The following ADGRB3 variants were observed in gnomAD, a reference collection of about 807,000 sequenced individuals.
ADGRB3 encodes the protein adhesion G protein-coupled receptor B3, also known as brain-specific angiogenesis inhibitor 3.
In ADGRB3, 37 loss-of-function variants were observed where a neutral mutation model predicts 193.4. The ratio of observed to expected loss-of-function variants is 0.19; its 90% CI spans 0.15 to 0.25. ADGRB3 has a LOEUF of 0.25. Ranked by LOEUF, ADGRB3 falls within the 10% of genes least tolerant of loss-of-function variation. ADGRB3 has a pLI of 1.00. For missense variants in ADGRB3, 1,637 were observed against 1,852.9 expected (o/e 0.88, Z 2.14); for synonymous variants, 690 against 644.2 (o/e 1.07, Z -1.08).
chr6:69,022,957 A>G (rs987687084), intron 13 of ADGRB3, among the ~76,000 whole-genome samples: 1 of 152,034 alleles, frequency 6.6e-6, no homozygotes, highest in Admixed American at 6.6e-5. Context: ...ATATTTTTAT[A>G]TATTTTTCAC....
At position 69,235,245 on chromosome 6, in the gene ADGRB3, G is replaced by A. The variant is rs563370020; in HGVS notation, c.2711+110G>A. ...CTGTCTTCTTAATTTACTGAAAGCAGTATTTTTACAACAGAGTTATAATTG... is the reference window on the plus strand; with the variant it reads ...CTGTCTTCTTAATTTACTGAAAGCAATATTTTTACAACAGAGTTATAATTG... On this transcript the variant is annotated intron_variant, in intron 19 of 31. Transcript: ENST00000370598. The A allele has an allele frequency of 1.3e-5, 11 of 859,460 alleles. No individual in the cohort carries two copies. In the South Asian group the frequency reaches 1.5e-4, roughly 12 times the overall value. The allele number at this position is 859,460 out of a possible 1,614,324, so 53.2% of individuals were successfully genotyped here. A position where few individuals can be genotyped will look rare whatever the true frequency, so the allele number is the denominator to read the frequency against.
At chr6:68,799,069 T>C (rs944959717) in intron 3 of ADGRB3, among the ~76,000 whole-genome samples, 1 of 152,036 alleles carries the variant, frequency 6.6e-6, no homozygotes, top group Non-Finnish European at 1.5e-5. Context: ...ATAGAAAACA[T>C]AAATACCTTT....
At position 68,973,524 on chromosome 6, in the gene ADGRB3, A is replaced by T. The variant is rs553963802; in HGVS notation, c.1526-1239A>T. Reference sequence around the variant, plus strand: ...TGATGATTATCATGGATTAAATATTATATTATTCTGCAAGGAAGATGTTTC... The same window carrying T: ...TGATGATTATCATGGATTAAATATTTTATTATTCTGCAAGGAAGATGTTTC... On this transcript the variant is annotated intron_variant, in intron 8 of 31. Transcript: ENST00000370598. Among the ~76,000 whole-genome samples, 15 of 152,344 alleles carry T rather than the reference A, an allele frequency of 9.8e-5. No individual in the cohort carries two copies. The East Asian group carries it at 1.9e-3, about 20-fold the overall frequency.
intron 3 of ADGRB3, among the ~76,000 whole-genome samples, chr6:68,706,254 A>G (rs2127312644): frequency 6.6e-6 from 1 of 152,224 alleles, no homozygotes; most frequent in East Asian, 1.9e-4. Flanking sequence ...ACTTAGAGGA[A>G]AGCAGTCACT....
chr6:68,827,582 T>G (rs915578354), intron 3 of ADGRB3, among the ~76,000 whole-genome samples: 1 of 151,926 alleles, frequency 6.6e-6, no homozygotes, highest in African/African-American at 2.4e-5. Flanking sequence ...TGAGATCTAA[T>G]GTGTTATAAG....
intron 3 of ADGRB3, among the ~76,000 whole-genome samples, chr6:68,831,204 A>G (rs1767945064): frequency 1.3e-5 from 2 of 151,616 alleles, no homozygotes; most frequent in Non-Finnish European, 2.9e-5. Flanking sequence ...GTGGTGATGA[A>G]CTAGATATGA....
intron 26 of ADGRB3, among the ~76,000 whole-genome samples, chr6:69,345,754 G>A (rs1769070838): frequency 6.6e-6 from 1 of 152,032 alleles, no homozygotes; most frequent in Non-Finnish European, 1.5e-5. Flanking sequence ...CTTCTGGCCA[G>A]GGCAATTGGG....
rs66836065 is a variant in ADGRB3, at chr6:68,661,538, C to CATATATATATATAT, written c.757+22126_757+22139dup. Among the ~76,000 whole-genome samples the CATATATATATATAT allele has an allele frequency of 7.3e-4, 67 of 91,814 alleles. 5 individuals are homozygous for CATATATATATATAT. The highest frequency in any genetic ancestry group is 2.1e-3 in the East Asian group (4 of 1,888). The allele number at this position is 91,814 out of a possible 152,430, so 60.2% of individuals were successfully genotyped here. A position where few individuals can be genotyped will look rare whatever the true frequency, so the allele number is the denominator to read the frequency against. On this transcript the variant is annotated intron_variant, in intron 3 of 31. Transcript: ENST00000370598. ...GTGTATACATATATATATGTGTATACATATATATATATATATATATATATA... is the reference window on the plus strand; with the variant it reads ...GTGTATACATATATATATGTGTATACATATATATATATATATATATATATATATATATATATATA...
At chr6:69,130,890 A>G (rs1482179426) in intron 17 of ADGRB3, among the ~76,000 whole-genome samples, 1 of 152,048 alleles carries the variant, frequency 6.6e-6, no homozygotes, top group African/African-American at 2.4e-5. Flanking sequence ...AGCAAATCCT[A>G]CCAGAGGCCT....
chr6:68,831,259 C>T (rs1169545021), intron 3 of ADGRB3, among the ~76,000 whole-genome samples: 2 of 145,468 alleles, frequency 1.4e-5, no homozygotes, highest in Admixed American at 1.4e-4. Context: ...CAAGGCTACT[C>T]ACTTAGGCGG....
At chr6:69,254,822 G>T (rs1234685564) in intron 20 of ADGRB3, among the ~76,000 whole-genome samples, 1 of 149,394 alleles carries the variant, frequency 6.7e-6, no homozygotes, top group East Asian at 2.0e-4. Flanking sequence ...TCGTCATCTA[G>T]CATTAGATAT....
intron 8 of ADGRB3, among the ~76,000 whole-genome samples, chr6:68,969,978 A>G (rs138312579): frequency 2.0e-5 from 3 of 152,228 alleles, no homozygotes; most frequent in East Asian, 3.9e-4. Flanking sequence ...CCATTACTCT[A>G]TACTTGGTCT....
In ADGRB3 at chr6:68,848,011, G is replaced by A. The variant is rs76280116; in HGVS notation, c.758-82548G>A. ...TGAGAAATTAAATCTAAAAAAAGAC[G>A]TCAACATAAAATCATTTCTACAAAT... On this transcript the variant is annotated intron_variant, in intron 3 of 31. Coordinates refer to ENST00000370598, the MANE Select transcript of ADGRB3 (RefSeq NM_001704.3). Among the ~76,000 whole-genome samples, 75 of 151,926 alleles carry A rather than the reference G, an allele frequency of 4.9e-4. 1 individual carries two copies. In the East Asian group the frequency reaches 0.012, roughly 25 times the overall value.
chr6:69,354,375 A>G, intron 27 of ADGRB3, 47 bp downstream of exon 27: 1 of 1,469,786 alleles, frequency 6.8e-7, no homozygotes, highest in Non-Finnish European at 9.5e-7. Context: ...ATGATTTCTC[A>G]AGGGAATAAA....
At chr6:69,323,277 G>T (rs962955782) in intron 20 of ADGRB3, among the ~76,000 whole-genome samples, 12 of 151,960 alleles carry the variant, frequency 7.9e-5, no homozygotes, top group African/African-American at 2.9e-4. Flanking sequence ...GACTTAGAAA[G>T]GTTATCTAGT....
chr6:69,152,582 C>T (rs1774709779), intron 17 of ADGRB3, among the ~76,000 whole-genome samples: 3 of 152,120 alleles, frequency 2.0e-5, no homozygotes, highest in Non-Finnish European at 1.5e-5. Flanking sequence ...CTATGTGTCC[C>T]AAGTCAGTCA....
intron 3 of ADGRB3, among the ~76,000 whole-genome samples, chr6:68,806,674 G>C (rs9346245): frequency 0.53 from 79,971 of 150,736 alleles, 22,611 homozygotes; most frequent in East Asian, 0.86. Context: ...TAATGTGACC[G>C]TATAACACAT....
At chr6:69,387,199 A>G (rs73748518) in intron 31 of ADGRB3, among the ~76,000 whole-genome samples, 5,973 of 152,168 alleles carry the variant, frequency 0.039, 376 homozygotes, top group African/African-American at 0.13. Context: ...CAGGCTTTAA[A>G]TCTTGAGCTT....
At chr6:69,255,393 T>C (rs961703754) in intron 20 of ADGRB3, among the ~76,000 whole-genome samples, 2 of 152,186 alleles carry the variant, frequency 1.3e-5, no homozygotes, top group African/African-American at 4.8e-5. Flanking sequence ...TTTTAATGAC[T>C]GCCATTCTAA....
Sources: allele counts gnomAD v4.1 joint callset (sites outside exome capture counted in the v4.1 genomes callset), GRCh38; gene constraint gnomAD v4.1.1; transcripts MANE v1.5; gene names NCBI Gene and HGNC (gene_info 2026-07-23, HGNC 2026-07-21).